LARP7: variants seen among roughly 807,000 people sequenced by gnomAD.
LARP7 encodes the protein la-related protein 7.
LARP7 carries 52 observed loss-of-function variants against 69.3 expected under a neutral mutation model. The ratio of observed to expected loss-of-function variants is 0.75; its 90% CI spans 0.60 to 0.95. The LOEUF is 0.95. LARP7 is among the 40% of genes least tolerant of loss of function. The pLI is 0.00. For synonymous variants in LARP7, 254 were observed against 215.9 expected, an observed-to-expected ratio of 1.18 and a Z score of -1.55; for missense variants, 733 against 673.0, an observed-to-expected ratio of 1.09 and a Z score of -0.99.
intron 1 of LARP7, among the ~76,000 whole-genome samples, chr4:112,643,171 GAAAT>G (rs755954719): frequency 1.6e-4 from 24 of 152,144 alleles, no homozygotes; most frequent in Non-Finnish European, 3.1e-4. Flanking sequence ...AAACAACAAA[GAAAT>G]AAATTGCATA....
chr4:112,655,480 T>C (rs897464660), intron 12 of LARP7: 2 of 152,170 alleles, frequency 1.3e-5, no homozygotes, highest in African/African-American at 2.4e-5. Flanking sequence ...TTGACTCTTG[T>C]CGTGAAATGA....
At chr4:112,646,557 A>G in intron 3 of LARP7, 31 bp from the exon 4 acceptor site, 1 of 1,324,656 alleles carries the variant, frequency 7.5e-7, no homozygotes, top group Non-Finnish European at 1.0e-6. Flanking sequence ...AAATAATATT[A>G]GTTTTATTAA....
chr4:112,640,038 A>G (rs999678659), intron 1 of LARP7, among the ~76,000 whole-genome samples: 5 of 152,114 alleles, frequency 3.3e-5, no homozygotes, highest in African/African-American at 1.2e-4. Context: ...TCCTGGGTTC[A>G]AGCGATTCTC....
In LARP7 at chr4:112,657,241, CTT is replaced by C. The variant is rs757126148; in HGVS notation, c.1669-4_1669-3del. 1.3e-6 allele frequency: 2 copies of C among 1,517,498 alleles called. No homozygotes were observed. The highest frequency in any genetic ancestry group is 2.4e-5 in the South Asian group (2 of 82,118). The allele number at this position is 1,517,498 out of a possible 1,614,324, so 94.0% of individuals were successfully genotyped here. The stretch of plus-strand genomic sequence containing the variant: ...ACATTTTAATTTTTGATTTATTTCT[CTT>C]TAGTTAATCACCAAAGCTGAAAAGA... On this transcript the variant is annotated splice_polypyrimidine_tract_variant and splice_region_variant and intron_variant, in intron 12 of 12. Transcript: ENST00000344442.
intron 3 of LARP7, 65 bp from the exon 4 acceptor site, chr4:112,646,523 T>G: frequency 2.4e-6 from 3 of 1,253,944 alleles, no homozygotes; most frequent in Non-Finnish European, 3.3e-6. Context: ...TAATGATTAT[T>G]ATATGATTAT....
chr4:112,656,434 T>G (rs986136501), intron 12 of LARP7, among the ~76,000 whole-genome samples: 3 of 151,968 alleles, frequency 2.0e-5, no homozygotes, highest in Admixed American at 6.6e-5. Context: ...TAAACACAAG[T>G]AAATTAAATT....
chr4:112,655,060 C>T (rs568568220), intron 12 of LARP7, among the ~76,000 whole-genome samples: 1 of 151,380 alleles, frequency 6.6e-6, no homozygotes, highest in African/African-American at 2.4e-5. Flanking sequence ...CTTCTTCTAC[C>T]ATTGCCCAGA....
chr4:112,649,666 C>G lies in LARP7; in HGVS notation c.1274C>G (p.Thr425Ser), dbSNP rs906002669. ...METDSGVPQN[T>S]GMKNEKTANR... ...ACAGACAGTGGAGTACCTCAAAACACTGGAATGAAAAATGAAAAAAGTAAA... is the reference window on the plus strand; with the variant it reads ...ACAGACAGTGGAGTACCTCAAAACAGTGGAATGAAAAATGAAAAAAGTAAA... Residue 425 changes from threonine (T) to serine (S), a missense_variant, in exon 9 of 13, where the codon ACT becomes AGT. Physicochemically the swap from Thr to Ser is moderately conservative, Grantham distance 58. Transcript: ENST00000344442. 1 of 1,593,766 alleles carries G rather than the reference C, an allele frequency of 6.3e-7. No homozygotes were observed.
chr4:112,653,322 G>GTTTT, intron 11 of LARP7, 86 bp downstream of exon 11: 3 of 878,060 alleles, frequency 3.4e-6, no homozygotes, highest in African/African-American at 1.8e-5. Flanking sequence ...AATGAAACTA[G>GTTTT]TTTTTTTTTT....
intron 2 of LARP7, 123 bp from the exon 3 acceptor site, chr4:112,646,228 C>A: frequency 2.0e-6 from 1 of 501,860 alleles, no homozygotes. Context: ...CCTTGGCCTC[C>A]CAAAGTACTA....
At chr4:112,648,545 A>G (rs1287454726) in intron 8 of LARP7, 2 of 527,048 alleles carry the variant, frequency 3.8e-6, no homozygotes, top group Admixed American at 2.0e-5. Flanking sequence ...TCCATGTTAA[A>G]GTTGAAGGGA....
rs375007095 is a variant in LARP7 at position 112,653,223 on chromosome 4, C to T, written c.1563C>T (p.Leu521=). The T allele has an allele frequency of 7.0e-6, 11 of 1,579,026 alleles. No individual in the cohort carries two copies. The highest frequency in any genetic ancestry group is 1.7e-4 in the Middle Eastern group (1 of 5,826). Reference sequence around the variant, plus strand: ...TTAACAAGAAACACTGCTGGAAACTCGAGATCCTTTCTGGTAAAACTTCAT... The same window carrying T: ...TTAACAAGAAACACTGCTGGAAACTTGAGATCCTTTCTGGTAAAACTTCAT... ...TEINKKHCWK[L]EILSGDHEQR... The change falls in exon 11 of 13, where the codon CTC becomes CTT. Residue 521 remains leucine (L), a synonymous_variant. Transcript: ENST00000344442.
At chr4:112,638,937 C>G (rs1407041467) in intron 1 of LARP7, among the ~76,000 whole-genome samples, 1 of 152,164 alleles carries the variant, frequency 6.6e-6, no homozygotes, top group East Asian at 1.9e-4. Context: ...GCATGGACTT[C>G]AGATTAAGAA....
At position 112,657,519 on chromosome 4, in the gene LARP7, T is replaced by A. The variant is rs1307506990; in HGVS notation, c.*192T>A. 1.1e-5 allele frequency: 4 copies of A among 350,398 alleles called. No individual in the cohort carries two copies. In the Admixed American group the frequency reaches 1.9e-4, roughly 17 times the overall value. The allele number at this position is 350,398 out of a possible 1,614,324, so 21.7% of individuals were successfully genotyped here. ...TATACCACAATTTTTCTTAAACATT[T>A]TATTTGTTGAAATTATCTTAGATGT... On this transcript the variant is annotated 3_prime_UTR_variant, in exon 13 of 13. Coordinates refer to ENST00000344442, the MANE Select transcript of LARP7 (RefSeq NM_016648.4).
chr4:112,646,467 A>G lies in LARP7; in HGVS notation c.303+16A>G. ...TGTTGTAGAGGTAAGAATCAAGAAT[A>G]ACTACTGTTTATATTTATAGTTTAT... On this transcript the variant is annotated intron_variant, in intron 3 of 12. Coordinates refer to ENST00000344442, the MANE Select transcript of LARP7 (RefSeq NM_016648.4). 6.9e-7 allele frequency: 1 copy of G among 1,453,134 alleles called. No homozygotes were observed. Among genetic ancestry groups the G allele is most frequent in the Non-Finnish European group, 9.6e-7 (1 of 1,044,712 alleles). 90.0% of individuals were successfully genotyped at this position (1,453,134 alleles called of 1,614,324 possible).
intron 12 of LARP7, chr4:112,654,763 C>G: frequency 6.6e-6 from 1 of 152,194 alleles, no homozygotes. Flanking sequence ...TAGCAAGACC[C>G]TGTCTCTTAA....
At chr4:112,648,101 ATAAAGCT>A (rs761615635) in intron 8 of LARP7, 1 of 575,120 alleles carries the variant, frequency 1.7e-6, no homozygotes, top group Non-Finnish European at 3.5e-6. Context: ...AAAATACAAA[ATAAAGCT>A]TAAATATATG....
rs765325685 is a variant in LARP7 at position 112,647,245 on chromosome 4, A to G, written c.693A>G (p.Glu231=). The G allele has an allele frequency of 1.2e-6, 2 of 1,603,754 alleles. No homozygotes were observed. The highest frequency in any genetic ancestry group is 1.4e-5 in the African/African-American group (1 of 73,938). ...KKKKKGRMKK[E]DNIQAKEENM... ...AGAAGAAAGGCCGAATGAAAAAGGA[A>G]GACAATATCCAAGCCAAAGAAGAAA... Residue 231 remains glutamate, a synonymous_variant, in exon 7 of 13, where the codon GAA becomes GAG. Transcript: ENST00000344442.
intron 1 of LARP7, among the ~76,000 whole-genome samples, chr4:112,642,558 GTTAGAGATTC>G (rs1166997031): frequency 1.3e-5 from 2 of 152,208 alleles, no homozygotes; most frequent in Non-Finnish European, 2.9e-5. Context: ...CACTGTAGCA[GTTAGAGATTC>G]TAACCAGCAG....
Sources: gnomAD v4.1 joint callset for allele counts (sites outside exome capture counted in the v4.1 genomes callset) on GRCh38, gnomAD v4.1.1 for gene constraint, MANE v1.5 for transcripts, NCBI Gene and HGNC (gene_info 2026-07-23, HGNC 2026-07-21) for gene names.